The following TAFA1 variants were observed in gnomAD, a reference collection of about 807,000 sequenced individuals.
TAFA1 encodes TAFA chemokine like family member 1.
Under a neutral mutation model 18.5 loss-of-function variants are expected in TAFA1, and 4 were observed. The observed-to-expected ratio is 0.22, with a 90% CI of 0.11 to 0.49. The LOEUF (loss-of-function observed/expected upper bound fraction) is 0.49. Ranked by LOEUF, TAFA1 falls within the 20% of genes least tolerant of loss-of-function variation. The probability of loss-of-function intolerance (pLI) is 0.98; values close to 1 mark genes in which losing one functional copy is unlikely to be tolerated. For synonymous variants in TAFA1, 56 were observed against 55.2 expected (o/e 1.01, Z -0.06); for missense variants, 147 against 169.0 (o/e 0.87, Z 0.72).
chr3:68,431,635 C>A (rs1416496803), intron 3 of TAFA1, among the ~76,000 whole-genome samples: 1 of 151,912 alleles, frequency 6.6e-6, no homozygotes, highest in East Asian at 1.9e-4. Flanking sequence ...TGCATTCATT[C>A]TCAAACAGAC....
chr3:68,395,034 T>C (rs1228192032), intron 2 of TAFA1, among the ~76,000 whole-genome samples: 8 of 152,108 alleles, frequency 5.3e-5, no homozygotes, highest in Admixed American at 5.2e-4. Context: ...GGAGAAAATT[T>C]TTGCAATATA....
chr3:68,228,732 C>G (rs2066834135), intron 2 of TAFA1, among the ~76,000 whole-genome samples: 1 of 152,178 alleles, frequency 6.6e-6, no homozygotes, highest in Non-Finnish European at 1.5e-5. Flanking sequence ...AGAAACAATT[C>G]TTTGCTTCTT....
intron 2 of TAFA1, among the ~76,000 whole-genome samples, chr3:68,047,772 A>G (rs969428655): frequency 1.1e-4 from 17 of 152,180 alleles, no homozygotes; most frequent in African/African-American, 4.1e-4. Context: ...AACTTTTGCC[A>G]TTAAAAGTAA....
chr3:68,282,011 A>G (rs746920218), intron 2 of TAFA1, among the ~76,000 whole-genome samples: 1 of 152,158 alleles, frequency 6.6e-6, no homozygotes, highest in South Asian at 2.1e-4. Flanking sequence ...ACTTACAATC[A>G]TGGTGGAAGG....
At chr3:68,427,875 A>T (rs1456996945) in intron 3 of TAFA1, among the ~76,000 whole-genome samples, 1 of 151,816 alleles carries the variant, frequency 6.6e-6, no homozygotes, top group African/African-American at 2.4e-5. Flanking sequence ...ATAAAGGGCA[A>T]TTCCCCTGCA....
chr3:68,154,926 A>C lies in TAFA1; in HGVS notation c.118+148182A>C, dbSNP rs936723745. The stretch of plus-strand genomic sequence containing the variant: ...AGACAGGGAAAAAGACCAAGAGAAA[A>C]ATACAAATCATAATTTTAAAATTTT... On this transcript the variant is annotated intron_variant, in intron 2 of 4. Transcript: ENST00000478136. 3.8e-4 allele frequency among the ~76,000 whole-genome samples: 58 copies of C among 152,192 alleles called. 1 individual carries two copies. Among genetic ancestry groups the C allele is most frequent in the Admixed American group, 9.8e-4 (15 of 15,284 alleles).
At chr3:68,289,454 A>G (rs2068072028) in intron 2 of TAFA1, among the ~76,000 whole-genome samples, 2 of 131,772 alleles carry the variant, frequency 1.5e-5, no homozygotes, top group South Asian at 2.4e-4. Flanking sequence ...TTAGAGCTAC[A>G]TCTGCCCAGA....
At chr3:68,301,292 A>C (rs1329005538) in intron 2 of TAFA1, among the ~76,000 whole-genome samples, 1 of 152,132 alleles carries the variant, frequency 6.6e-6, no homozygotes, top group Non-Finnish European at 1.5e-5. Context: ...ATCTCACTAC[A>C]TAAATTTTTC....
intron 3 of TAFA1, among the ~76,000 whole-genome samples, chr3:68,466,688 C>T (rs2071891377): frequency 1.3e-5 from 2 of 152,030 alleles, no homozygotes; most frequent in South Asian, 2.1e-4. Flanking sequence ...CCCTAATAGC[C>T]CCTGATTTCA....
chr3:68,276,050 C>T lies in TAFA1; in HGVS notation c.119-141230C>T, dbSNP rs555322405. Reference sequence around the variant, plus strand: ...TATTCATTGAATGAAAACATCTCTACAATTACAATACCCTGACTGTATATC... The same window carrying T: ...TATTCATTGAATGAAAACATCTCTATAATTACAATACCCTGACTGTATATC... On this transcript the variant is annotated intron_variant, in intron 2 of 4. Coordinates refer to ENST00000478136, the MANE Select transcript of TAFA1 (RefSeq NM_213609.4). 2.6e-5 allele frequency among the ~76,000 whole-genome samples: 4 copies of T among 152,034 alleles called. No homozygotes were observed. In the South Asian group the frequency reaches 8.3e-4, roughly 32 times the overall value.
chr3:68,424,460 T>A (rs2071017037), intron 3 of TAFA1, among the ~76,000 whole-genome samples: 1 of 152,084 alleles, frequency 6.6e-6, no homozygotes, highest in South Asian at 2.1e-4. Context: ...TTTATAACTA[T>A]TTTTTAACAA....
chr3:68,010,927 T>A (rs915337812), intron 2 of TAFA1, among the ~76,000 whole-genome samples: 7 of 152,068 alleles, frequency 4.6e-5, no homozygotes, highest in African/African-American at 1.2e-4. Flanking sequence ...AACTCAAAAG[T>A]GGTGTTCAAT....
upstream of TAFA1, among the ~76,000 whole-genome samples, chr3:67,999,287 C>CTCTCTG (rs1297823499): frequency 6.8e-6 from 1 of 147,660 alleles, no homozygotes; most frequent in African/African-American, 2.5e-5. Context: ...CCCCCTCTCT[C>CTCTCTG]TGTGTGTGTG....
chr3:68,067,940 AAAAAAACAAAAAAC>A (rs1238951736), intron 2 of TAFA1, among the ~76,000 whole-genome samples: 1 of 152,070 alleles, frequency 6.6e-6, no homozygotes, highest in South Asian at 2.1e-4. Context: ...AATGCTTTAC[AAAAAAACAAAAAAC>A]AAAAAACAAA....
At chr3:68,175,104 A>C (rs2066107158) in intron 2 of TAFA1, among the ~76,000 whole-genome samples, 2 of 152,244 alleles carry the variant, frequency 1.3e-5, no homozygotes, top group Admixed American at 6.5e-5. Flanking sequence ...TCAAGAATGA[A>C]GGTTTGGGAA....
chr3:68,079,714 A>G (rs2064872141), intron 2 of TAFA1, among the ~76,000 whole-genome samples: 1 of 152,102 alleles, frequency 6.6e-6, no homozygotes, highest in Non-Finnish European at 1.5e-5. Context: ...ACATTTGCTG[A>G]GGAGAGCTTT....
intron 2 of TAFA1, among the ~76,000 whole-genome samples, chr3:68,037,392 T>G (rs1264666364): frequency 6.6e-6 from 1 of 152,190 alleles, no homozygotes; most frequent in Non-Finnish European, 1.5e-5. Flanking sequence ...TAATGAAGCA[T>G]CCACAAACCA....
intron 2 of TAFA1, among the ~76,000 whole-genome samples, chr3:68,253,373 G>A (rs1016019336): frequency 1.3e-5 from 2 of 152,044 alleles, no homozygotes; most frequent in African/African-American, 4.8e-5. Context: ...TTCCCAAATG[G>A]TCCAGTCTTC....
chr3:68,138,976 C>G (rs1311679056), intron 2 of TAFA1, among the ~76,000 whole-genome samples: 1 of 152,120 alleles, frequency 6.6e-6, no homozygotes. Flanking sequence ...AAGAATGAAC[C>G]AGCATATCGA....
Sources: gnomAD v4.1 joint callset for allele counts (sites outside exome capture counted in the v4.1 genomes callset) on GRCh38, gnomAD v4.1.1 for gene constraint, MANE v1.5 for transcripts, NCBI Gene and HGNC (gene_info 2026-07-23, HGNC 2026-07-21) for gene names.